SIRPA: variants seen among roughly 807,000 people sequenced by gnomAD.
SIRPA encodes the protein signal regulatory protein alpha.
In SIRPA, 9 loss-of-function variants were observed where a neutral mutation model predicts 50.3. That is an observed-to-expected ratio of 0.18 (90% confidence interval 0.11 to 0.31). The LOEUF is 0.31. Among genes scored for constraint, SIRPA ranks in the 10% least tolerant of loss-of-function variants. The pLI is 1.00. For missense variants in SIRPA, 474 were observed against 661.6 expected (o/e 0.72, Z 3.11); for synonymous variants, 265 against 284.1 (o/e 0.93, Z 0.68).
chr20:1,938,323 C>T lies in SIRPA; in HGVS notation c.*755C>T, dbSNP rs1235631490. ...TCTAGACCTGAGCTTGCCCCTCCAGCTAGCACTAAGCAACATCTCGCTGTG... is the reference window on the plus strand; with the variant it reads ...TCTAGACCTGAGCTTGCCCCTCCAGTTAGCACTAAGCAACATCTCGCTGTG... On this transcript the variant is annotated 3_prime_UTR_variant, in exon 8 of 8. Transcript: ENST00000358771. 1 of 152,752 alleles carries T rather than the reference C, an allele frequency of 6.5e-6. No homozygotes were observed. Among genetic ancestry groups the T allele is most frequent in the Non-Finnish European group, 1.5e-5 (1 of 68,096 alleles). The allele number at this position is 152,752 out of a possible 1,614,324, so 9.5% of individuals were successfully genotyped here. A position where few individuals can be genotyped will look rare whatever the true frequency, so the allele number is the denominator to read the frequency against.
Position 1,939,758 on chromosome 20 carries a change from C to T in SIRPA, c.*2190C>T, listed in dbSNP as rs185194343. On this transcript the variant is annotated 3_prime_UTR_variant, in exon 8 of 8. Coordinates refer to ENST00000358771, the MANE Select transcript of SIRPA (RefSeq NM_001040023.2). This position sits in a 1 kb window ranked among gnomAD's most constrained non-coding sequence, Gnocchi z 4.7. The stretch of plus-strand genomic sequence containing the variant: ...GGAAAAGGAAGAGGTCGAACCAACC[C>T]TGCGGAAGGAGCATGGTTTCAGGAG... 70 of 152,770 alleles carry T rather than the reference C, an allele frequency of 4.6e-4. 1 individual carries two copies. In the East Asian group the frequency reaches 0.013, roughly 29 times the overall value. 9.5% of individuals were successfully genotyped at this position (152,770 alleles called of 1,614,324 possible). A position where few individuals can be genotyped will look rare whatever the true frequency, so the allele number is the denominator to read the frequency against.
intron 1 of SIRPA, among the ~76,000 whole-genome samples, chr20:1,908,676 A>G (rs1984698132): frequency 6.6e-6 from 1 of 152,252 alleles, no homozygotes; most frequent in East Asian, 1.9e-4. Flanking sequence ...TCTCGTGTGC[A>G]TACTCTTATG....
intron 2 of SIRPA, among the ~76,000 whole-genome samples, chr20:1,919,635 C>T (rs566979218): frequency 1.1e-4 from 16 of 152,084 alleles, no homozygotes; most frequent in African/African-American, 3.4e-4. Context: ...CCTTCCAATT[C>T]GGCCCCAGAA....
intron 1 of SIRPA, among the ~76,000 whole-genome samples, chr20:1,905,451 A>T (rs750889843): frequency 6.6e-6 from 1 of 152,162 alleles, no homozygotes; most frequent in Non-Finnish European, 1.5e-5. Context: ...CTGGGCCAGG[A>T]TGTCCTGAGG....
At chr20:1,914,983 A>C in intron 1 of SIRPA, 116 bp from the exon 2 acceptor site, 1 of 874,492 alleles carries the variant, frequency 1.1e-6, no homozygotes. Context: ...CACTATACTG[A>C]TCTCACAGCC....
Position 1,932,607 on chromosome 20 carries a change from G to T in SIRPA, c.1227-2108G>T, listed in dbSNP as rs1277861545. Among the ~76,000 whole-genome samples, 1 of 152,164 alleles carries T rather than the reference G, an allele frequency of 6.6e-6. No individual in the cohort carries two copies. Among genetic ancestry groups the T allele is most frequent in the Non-Finnish European group, 1.5e-5 (1 of 68,038 alleles). On this transcript the variant is annotated intron_variant, in intron 6 of 7. Coordinates refer to ENST00000358771, the MANE Select transcript of SIRPA (RefSeq NM_001040023.2). This position sits in a 1 kb window ranked among gnomAD's most constrained non-coding sequence, Gnocchi z 6.0. ...GTTATAGAGGGGTTGAGCATTCTGA[G>T]CAGAAAAGTAACATGACATCACTTA...
In SIRPA at chr20:1,898,988, G is replaced by C. The variant is rs1983996522; in HGVS notation, c.79+3462G>C. ...ATGGAGAGGGGGTGTGCGAGAGGAA[G>C]GGAGTCTAAAAGTGTTGTACGGATC... is the stretch of plus-strand genomic sequence containing the variant. On this transcript the variant is annotated intron_variant, in intron 1 of 7. Transcript: ENST00000358771. This position sits in a 1 kb window ranked among gnomAD's most constrained non-coding sequence, Gnocchi z 4.3. 6.6e-6 allele frequency among the ~76,000 whole-genome samples: 1 copy of C among 152,028 alleles called. No individual in the cohort carries two copies. Among genetic ancestry groups the C allele is most frequent in the Admixed American group, 6.5e-5 (1 of 15,278 alleles).
In SIRPA at chr20:1,913,828, T is replaced by G. The variant is rs146368525; in HGVS notation, c.80-1271T>G. ...GTTCTCACTTGGTCCCTATCCATCT[T>G]CAACGCATCTCATGACAAGCTCGTC... On this transcript the variant is annotated intron_variant, in intron 1 of 7. Transcript: ENST00000358771. Among the ~76,000 whole-genome samples the G allele has an allele frequency of 7.9e-5, 12 of 152,320 alleles. No homozygotes were observed. The East Asian group carries it at 2.1e-3, about 27-fold the overall frequency.
Position 1,933,406 on chromosome 20 carries a change from C to CCCA in SIRPA, c.1227-1307_1227-1306insACC, listed in dbSNP as rs1986399930. 6.6e-6 allele frequency among the ~76,000 whole-genome samples: 1 copy of CCCA among 150,686 alleles called. No individual in the cohort carries two copies. The highest frequency in any genetic ancestry group is 1.5e-5 in the Non-Finnish European group (1 of 67,486). On this transcript the variant is annotated intron_variant, in intron 6 of 7. Coordinates refer to ENST00000358771, the MANE Select transcript of SIRPA (RefSeq NM_001040023.2). This position sits in a 1 kb window ranked among gnomAD's most constrained non-coding sequence, Gnocchi z 4.4. ...AGTACATAACATCAAATGCCACCCC[C>CCCA]CCCCCGAAATATCTGGTGGGCAGAT...
chr20:1,903,675 C>G (rs1333750645), intron 1 of SIRPA, among the ~76,000 whole-genome samples: 3 of 152,180 alleles, frequency 2.0e-5, no homozygotes, highest in Non-Finnish European at 4.4e-5. Context: ...GCTTCTTTCC[C>G]ACCCGAGGGC....
rs541665631 is a variant in SIRPA, at chr20:1,924,333, G to A, written c.1088-431G>A. On this transcript the variant is annotated intron_variant, in intron 4 of 7. Coordinates refer to ENST00000358771, the MANE Select transcript of SIRPA (RefSeq NM_001040023.2). This position sits in a 1 kb window ranked among gnomAD's most constrained non-coding sequence, Gnocchi z 4.5. ...ATGGCCCAGGTGCTGGGCACAGACC[G>A]GTCGTCAGCCCCTGAGCTGTGCAGA... Among the ~76,000 whole-genome samples the A allele has an allele frequency of 1.3e-5, 2 of 152,304 alleles. No homozygotes were observed. Among genetic ancestry groups the A allele is most frequent in the African/African-American group, 2.4e-5 (1 of 41,572 alleles).
At chr20:1,914,425 C>T (rs67774686) in intron 1 of SIRPA, among the ~76,000 whole-genome samples, 61,809 of 151,578 alleles carry the variant, frequency 0.41, 12,875 homozygotes, top group East Asian at 0.66. Flanking sequence ...AACTATTTTA[C>T]AGATGAAGAA....
rs1156430014 is a variant in SIRPA at position 1,937,278 on chromosome 20, A to G, written c.1267-42A>G. Reference sequence around the variant, plus strand: ...GAGTGAGTGGGCCAGGGGCTATAGAATGACCTTCTCATGACTTTCTCTTTG... The same window carrying G: ...GAGTGAGTGGGCCAGGGGCTATAGAGTGACCTTCTCATGACTTTCTCTTTG... On this transcript the variant is annotated intron_variant, in intron 7 of 7. Transcript: ENST00000358771. The surrounding 1 kb of genome is among the most constrained non-coding windows in gnomAD (Gnocchi z 8.3). The G allele has an allele frequency of 6.3e-7, 1 of 1,592,604 alleles. No homozygotes were observed. Among genetic ancestry groups the G allele is most frequent in the South Asian group, 1.1e-5 (1 of 88,234 alleles).
chr20:1,925,281 GA>G (rs1985914639), intron 5 of SIRPA, among the ~76,000 whole-genome samples: 1 of 152,236 alleles, frequency 6.6e-6, no homozygotes, highest in African/African-American at 2.4e-5. Context: ...CAGGAGGCCA[GA>G]GGGAATGGAG....
In SIRPA at chr20:1,919,488, C is replaced by A. The variant is rs1196500823; in HGVS notation, c.437-1907C>A. On this transcript the variant is annotated intron_variant, in intron 2 of 7. Coordinates refer to ENST00000358771, the MANE Select transcript of SIRPA (RefSeq NM_001040023.2). ...TGGAGGCCCCAGTGGCCTGGCCAGA[C>A]CCCCTCTTATGATACAGGCCTCGGG... Among the ~76,000 whole-genome samples, 7 of 152,334 alleles carry A rather than the reference C, an allele frequency of 4.6e-5. No individual in the cohort carries two copies. The South Asian group carries it at 1.2e-3, about 27-fold the overall frequency.
intron 1 of SIRPA, among the ~76,000 whole-genome samples, chr20:1,914,135 C>T (rs1290752407): frequency 2.0e-5 from 3 of 152,206 alleles, no homozygotes; most frequent in Admixed American, 2.0e-4. Context: ...ATAGTAACAA[C>T]AACTTCCTCA....
chr20:1,921,016 C>T (rs1985615276), intron 2 of SIRPA, among the ~76,000 whole-genome samples: 1 of 152,230 alleles, frequency 6.6e-6, no homozygotes, highest in Non-Finnish European at 1.5e-5. Context: ...TCTATAAACG[C>T]TCTCTCTGAG....
At chr20:1,895,076 C>G (rs926857185), upstream of SIRPA, among the ~76,000 whole-genome samples, 42 of 151,032 alleles carry the variant, frequency 2.8e-4, no homozygotes, top group African/African-American at 9.2e-4. Context: ...CGCGCCGCCT[C>G]GCTCCTCGCT....
In SIRPA at chr20:1,939,175, T is replaced by C. The variant is rs1986756298; in HGVS notation, c.*1607T>C. ...AGCAGATGTCGCAAGCCCTATTTAT[T>C]CAGTCTTCACTATAACTCTTAGAGT... On this transcript the variant is annotated 3_prime_UTR_variant, in exon 8 of 8. Transcript: ENST00000358771. The surrounding 1 kb of genome is among the most constrained non-coding windows in gnomAD (Gnocchi z 4.7). 1 of 152,250 alleles carries C rather than the reference T, an allele frequency of 6.6e-6. No individual in the cohort carries two copies. The highest frequency in any genetic ancestry group is 1.5e-5 in the Non-Finnish European group (1 of 68,054). 9.4% of individuals were successfully genotyped at this position (152,250 alleles called of 1,614,324 possible).
Sources: allele counts gnomAD v4.1 joint callset (sites outside exome capture counted in the v4.1 genomes callset), GRCh38; gene constraint gnomAD v4.1.1; non-coding constraint Gnocchi (gnomAD v3.1); transcripts MANE v1.5; gene names NCBI Gene and HGNC (gene_info 2026-07-23, HGNC 2026-07-21).